Variants in RBPMS2 observed in about 807,000 individuals in gnomAD.
The protein encoded by RBPMS2 is RNA-binding protein with multiple splicing 2.
Under a neutral mutation model 25.7 loss-of-function variants are expected in RBPMS2, and 14 were observed. The observed-to-expected ratio is 0.55, with a 90% confidence interval of 0.36 to 0.85. The LOEUF (loss-of-function observed/expected upper bound fraction) is 0.85. RBPMS2 is among the 40% of genes least tolerant of loss of function. RBPMS2 has a pLI of 0.01. For synonymous variants in RBPMS2, 127 were observed against 115.6 expected (o/e 1.10, Z -0.63); for missense variants, 252 against 283.4 (o/e 0.89, Z 0.80).
chr15:64,752,638 A>G (rs1018213228), intron 1 of RBPMS2, among the ~76,000 whole-genome samples: 3 of 147,446 alleles, frequency 2.0e-5, no homozygotes, highest in African/African-American at 5.0e-5. Context: ...TTTGAGATGG[A>G]GTTTTGCTGT....
intron 2 of RBPMS2, among the ~76,000 whole-genome samples, chr15:64,750,664 AC>A (rs2083668970): frequency 6.6e-6 from 1 of 152,304 alleles, no homozygotes; most frequent in Middle Eastern, 3.4e-3. Flanking sequence ...CACAGACCTT[AC>A]CTTTTAAGTT....
intron 1 of RBPMS2, among the ~76,000 whole-genome samples, chr15:64,763,482 G>A (rs1334818803): frequency 6.6e-6 from 1 of 152,174 alleles, no homozygotes; most frequent in African/African-American, 2.4e-5. Flanking sequence ...CCCAGGTTCA[G>A]GTGGGATCTG....
intron 1 of RBPMS2, among the ~76,000 whole-genome samples, chr15:64,763,042 G>C (rs1416897595): frequency 6.7e-6 from 1 of 149,804 alleles, no homozygotes; most frequent in East Asian, 2.0e-4. Flanking sequence ...TGTGGTCTTG[G>C]TCGCCGTAGT....
chr15:64,764,150 C>G, intron 1 of RBPMS2, among the ~76,000 whole-genome samples: 1 of 152,186 alleles, frequency 6.6e-6, no homozygotes, highest in Non-Finnish European at 1.5e-5. Context: ...ACTGGGCACC[C>G]CGGCATGGAA....
chr15:64,759,108 T>G (rs1409502642), intron 1 of RBPMS2, among the ~76,000 whole-genome samples: 1 of 151,918 alleles, frequency 6.6e-6, no homozygotes, highest in Non-Finnish European at 1.5e-5. Flanking sequence ...CCTCTTGACC[T>G]CTCCCCACCT....
At chr15:64,756,558 T>C (rs929952175) in intron 1 of RBPMS2, among the ~76,000 whole-genome samples, 10 of 151,614 alleles carry the variant, frequency 6.6e-5, no homozygotes, top group African/African-American at 2.4e-4. Flanking sequence ...TTAGTTACAC[T>C]GGAGTTTGCT....
In RBPMS2 at chr15:64,749,014, A is replaced by G. The variant is rs777214314; in HGVS notation, c.404T>C (p.Ile135Thr). Residue 135 changes from isoleucine to threonine, a missense_variant, in exon 5 of 8, where the codon ATC becomes ACC. Transcript: ENST00000300069. Reference protein sequence around the residue: ...NVHPALGAHFIARDPYDLMGA... With the variant: ...NVHPALGAHFTARDPYDLMGA... The stretch of plus-strand genomic sequence containing the variant: ...GTGCCACTCACAGGGGTCCCGTGCG[A>G]TGAAGTGTGCTCCTAGGGCGGGGTG... The G allele has an allele frequency of 6.2e-7, 1 of 1,614,124 alleles. No individual in the cohort carries two copies. Among genetic ancestry groups the G allele is most frequent in the East Asian group, 2.2e-5 (1 of 44,884 alleles).
intron 6 of RBPMS2, among the ~76,000 whole-genome samples, chr15:64,744,793 G>GT (rs797009588): frequency 5.2e-4 from 30 of 57,810 alleles, no homozygotes; most frequent in African/African-American, 1.9e-3. Context: ...TTTTTGGTTT[G>GT]TTTTGTTTTT....
intron 6 of RBPMS2, among the ~76,000 whole-genome samples, chr15:64,743,013 G>T (rs539483938): frequency 2.0e-5 from 3 of 152,348 alleles, no homozygotes; most frequent in Non-Finnish European, 4.4e-5. Flanking sequence ...TATTCCACAA[G>T]AGAGGGACAC....
intron 6 of RBPMS2, among the ~76,000 whole-genome samples, chr15:64,743,838 C>G (rs1595783883): frequency 6.6e-6 from 1 of 152,332 alleles, no homozygotes; most frequent in East Asian, 1.9e-4. Flanking sequence ...GGTGTGACAG[C>G]TCACGCCTGT....
chr15:64,763,261 C>T (rs938252850), intron 1 of RBPMS2, among the ~76,000 whole-genome samples: 1 of 152,158 alleles, frequency 6.6e-6, no homozygotes, highest in Non-Finnish European at 1.5e-5. Flanking sequence ...CAGGGGAAGA[C>T]AGCAAGCAGC....
intron 6 of RBPMS2, among the ~76,000 whole-genome samples, chr15:64,746,974 G>A (rs1352781874): frequency 6.6e-6 from 1 of 152,206 alleles, no homozygotes; most frequent in African/African-American, 2.4e-5. Context: ...GCCCAGGTCA[G>A]GGTAGACAGG....
chr15:64,750,379 C>G lies in RBPMS2; in HGVS notation c.168G>C (p.Gly56=). Reference sequence around the variant, plus strand: ...TGAGCTTGATCAGGGACCCTTCATACCCCTGCGGAGAGAGGTGGCTGTTAC... The same window carrying G: ...TGAGCTTGATCAGGGACCCTTCATAGCCCTGCGGAGAGAGGTGGCTGTTAC... The part of the protein sequence containing the change: ...ELYLLFRPFK[G]YEGSLIKLTA... The change falls in exon 3 of 8, where the codon GGG becomes GGC. Residue 56 remains glycine, a splice_region_variant and synonymous_variant. Transcript: ENST00000300069. 6.2e-7 allele frequency: 1 copy of G among 1,613,726 alleles called. No homozygotes were observed. Among genetic ancestry groups the G allele is most frequent in the South Asian group, 1.1e-5 (1 of 91,050 alleles).
Position 64,775,351 on chromosome 15 carries a change from C to G in RBPMS2, c.-32G>C. ...GGGGAGGGGGCGGCGGGAAGGAACG[C>G]GAGGGCGAGCGCGGCGCCGGCCCCG... On this transcript the variant is annotated 5_prime_UTR_variant, in exon 1 of 8. Transcript: ENST00000300069. 1 of 1,202,464 alleles carries G rather than the reference C, an allele frequency of 8.3e-7. No homozygotes were observed. The highest frequency in any genetic ancestry group is 1.0e-6 in the Non-Finnish European group (1 of 956,980). 74.5% of individuals were successfully genotyped at this position (1,202,464 alleles called of 1,614,324 possible).
At chr15:64,748,279 G>A (rs1422843597) in intron 6 of RBPMS2, 140 bp downstream of exon 6, 2 of 903,138 alleles carry the variant, frequency 2.2e-6, no homozygotes, top group Admixed American at 2.8e-5. Flanking sequence ...GGTCCCTGGG[G>A]TCTGGGCTTT....
At chr15:64,748,197 C>T (rs1425604793) in intron 6 of RBPMS2, among the ~76,000 whole-genome samples, 2 of 152,172 alleles carry the variant, frequency 1.3e-5, no homozygotes, top group Non-Finnish European at 2.9e-5. Context: ...GGCTGCCTGG[C>T]ATCCTCCATG....
At chr15:64,761,422 G>T (rs2083784827) in intron 1 of RBPMS2, among the ~76,000 whole-genome samples, 1 of 152,222 alleles carries the variant, frequency 6.6e-6, no homozygotes, top group South Asian at 2.1e-4. Flanking sequence ...TACCGAGCAT[G>T]TCAGAAACAG....
At position 64,741,244 on chromosome 15, in the gene RBPMS2, T is replaced by C; in HGVS notation, c.568-2A>G. The C allele has an allele frequency of 6.3e-7, 1 of 1,588,210 alleles. No homozygotes were observed. The highest frequency in any genetic ancestry group is 8.6e-7 in the Non-Finnish European group (1 of 1,167,164). Reference sequence around the variant, plus strand: ...GTCAGAGGAAGGGTACCAGCGCACCTGCAAGAGAAGCCAACGTCAGGAGCC... The same window carrying C: ...GTCAGAGGAAGGGTACCAGCGCACCCGCAAGAGAAGCCAACGTCAGGAGCC... On this transcript the variant is annotated splice_acceptor_variant, in intron 6 of 7. Coordinates refer to ENST00000300069, the MANE Select transcript of RBPMS2 (RefSeq NM_194272.3). LOFTEE classifies it high-confidence loss of function.
At chr15:64,771,068 G>A (rs2083890086) in intron 1 of RBPMS2, among the ~76,000 whole-genome samples, 1 of 152,152 alleles carries the variant, frequency 6.6e-6, no homozygotes, top group Non-Finnish European at 1.5e-5. Context: ...CATTAAGCTG[G>A]CAAAAACTTT....
Sources: gnomAD v4.1 joint callset for allele counts (sites outside exome capture counted in the v4.1 genomes callset) on GRCh38, gnomAD v4.1.1 for gene constraint, MANE v1.5 for transcripts, NCBI Gene and HGNC (gene_info 2026-07-23, HGNC 2026-07-21) for gene names.